The following PCBP3 variants were observed in gnomAD, a reference collection of about 807,000 sequenced individuals.
The protein encoded by PCBP3 is poly(rC) binding protein 3.
A neutral mutation model predicts 52.7 loss-of-function variants in PCBP3; 25 were observed. The ratio of observed to expected loss-of-function variants is 0.47; its 90% CI spans 0.35 to 0.66. PCBP3 has a LOEUF of 0.66. Ranked by LOEUF, PCBP3 falls within the 30% of genes least tolerant of loss-of-function variation. The pLI is 0.01. For synonymous variants in PCBP3, 162 were observed against 183.0 expected, an observed-to-expected ratio of 0.89 and a Z score of 0.93; for missense variants, 391 against 490.3, an observed-to-expected ratio of 0.80 and a Z score of 1.91.
chr21:45,807,597 T>C (rs984873350), intron 4 of PCBP3, among the ~76,000 whole-genome samples: 3 of 152,124 alleles, frequency 2.0e-5, no homozygotes, highest in Non-Finnish European at 2.9e-5. Context: ...ATCATGAAAG[T>C]GGCCATACTG....
intron 2 of PCBP3, among the ~76,000 whole-genome samples, chr21:45,701,348 G>A (rs889963523): frequency 6.6e-6 from 1 of 152,118 alleles, no homozygotes; most frequent in African/African-American, 2.4e-5. Context: ...TCCTCTTCAA[G>A]CACCACAGTA....
At chr21:45,692,014 G>C (rs1204375856) in intron 2 of PCBP3, among the ~76,000 whole-genome samples, 1 of 152,142 alleles carries the variant, frequency 6.6e-6, no homozygotes, top group African/African-American at 2.4e-5. Flanking sequence ...CCTGCAACAA[G>C]TACACAGTCC....
chr21:45,691,654 T>G (rs62215045), intron 2 of PCBP3, among the ~76,000 whole-genome samples: 2,693 of 151,986 alleles, frequency 0.018, 42 homozygotes, highest in Non-Finnish European at 0.027. Context: ...AAAACTGTAT[T>G]TCTAAAATGA....
chr21:45,905,019 A>G (rs1341800099), intron 9 of PCBP3, among the ~76,000 whole-genome samples: 1 of 152,244 alleles, frequency 6.6e-6, no homozygotes, highest in Non-Finnish European at 1.5e-5. Flanking sequence ...GTTTGAAATC[A>G]TCTGGTACCA....
chr21:45,863,252 C>A (rs1281272841), intron 5 of PCBP3, among the ~76,000 whole-genome samples: 4 of 152,258 alleles, frequency 2.6e-5, no homozygotes, highest in African/African-American at 9.6e-5. Flanking sequence ...GCGTCACCAG[C>A]CAAGCCCAGG....
chr21:45,698,123 A>G (rs1280425452), intron 2 of PCBP3, among the ~76,000 whole-genome samples: 1 of 152,214 alleles, frequency 6.6e-6, no homozygotes, highest in East Asian at 1.9e-4. Flanking sequence ...AGTCTAGGGA[A>G]TAAAATAATA....
intron 2 of PCBP3, among the ~76,000 whole-genome samples, chr21:45,695,140 C>T (rs2082693307): frequency 6.6e-6 from 1 of 152,134 alleles, no homozygotes; most frequent in Non-Finnish European, 1.5e-5. Context: ...ACAGACCCAC[C>T]CAAATGGTGT....
chr21:45,691,768 G>C (rs2147802379), intron 2 of PCBP3, among the ~76,000 whole-genome samples: 1 of 152,242 alleles, frequency 6.6e-6, no homozygotes, highest in African/African-American at 2.4e-5. Context: ...GGTTGAAGCT[G>C]AGGGATTCTA....
At chr21:45,660,290 A>G (rs187017776) in intron 1 of PCBP3, among the ~76,000 whole-genome samples, 125 of 152,186 alleles carry the variant, frequency 8.2e-4, no homozygotes, top group African/African-American at 2.9e-3. Flanking sequence ...TAGCCATTCA[A>G]GCTCTCCTTT....
intron 2 of PCBP3, among the ~76,000 whole-genome samples, chr21:45,690,122 A>G (rs2082372487): frequency 6.6e-6 from 1 of 152,192 alleles, no homozygotes; most frequent in African/African-American, 2.4e-5. Flanking sequence ...ATAGCATATG[A>G]TAGCATAGGG....
At chr21:45,679,205 C>T (rs1603246094) in intron 2 of PCBP3, among the ~76,000 whole-genome samples, 1 of 151,356 alleles carries the variant, frequency 6.6e-6, no homozygotes, top group East Asian at 1.9e-4. Context: ...ACTGCAACCT[C>T]TGCCTCCTGG....
intron 2 of PCBP3, among the ~76,000 whole-genome samples, chr21:45,680,759 C>T (rs559582133): frequency 8.5e-4 from 129 of 152,148 alleles, no homozygotes; most frequent in African/African-American, 2.9e-3. Context: ...GTCCTGTTCC[C>T]GATGTTAGGG....
intron 7 of PCBP3, among the ~76,000 whole-genome samples, chr21:45,900,022 G>A (rs1484978373): frequency 6.6e-6 from 1 of 152,168 alleles, no homozygotes; most frequent in African/African-American, 2.4e-5. Context: ...CCAAATCAGG[G>A]CTGGCCCGGG....
chr21:45,910,225 C>T (rs533990524), intron 10 of PCBP3, among the ~76,000 whole-genome samples: 1 of 130,408 alleles, frequency 7.7e-6, no homozygotes, highest in Non-Finnish European at 1.6e-5. Context: ...CACCCACTGC[C>T]CAAATATGGG....
At chr21:45,779,456 T>C (rs1233528548) in intron 4 of PCBP3, among the ~76,000 whole-genome samples, 2 of 152,228 alleles carry the variant, frequency 1.3e-5, no homozygotes, top group Non-Finnish European at 2.9e-5. Flanking sequence ...AACTCGCTTT[T>C]GGTATTTCCT....
intron 1 of PCBP3, among the ~76,000 whole-genome samples, chr21:45,659,940 A>G (rs2080275417): frequency 6.6e-6 from 1 of 152,188 alleles, no homozygotes; most frequent in Admixed American, 6.5e-5. Context: ...GGAGAATTCT[A>G]TAAATGTCTG....
chr21:45,689,334 C>A (rs1225491516), intron 2 of PCBP3, among the ~76,000 whole-genome samples: 1 of 152,000 alleles, frequency 6.6e-6, no homozygotes, highest in African/African-American at 2.4e-5. Flanking sequence ...AAAAAATACT[C>A]TCCTATGATC....
At chr21:45,807,151 C>G (rs1333884548) in intron 4 of PCBP3, among the ~76,000 whole-genome samples, 1 of 152,146 alleles carries the variant, frequency 6.6e-6, no homozygotes, top group Non-Finnish European at 1.5e-5. Context: ...CCTCTCTCAC[C>G]ACTCCTATTC....
intron 2 of PCBP3, among the ~76,000 whole-genome samples, chr21:45,718,692 C>T (rs1336401266): frequency 2.6e-5 from 4 of 152,072 alleles, no homozygotes; most frequent in Non-Finnish European, 5.9e-5. Flanking sequence ...GATGAATTTC[C>T]AGAGCTCTTA....
Sources: allele counts gnomAD v4.1 joint callset (sites outside exome capture counted in the v4.1 genomes callset), GRCh38; gene constraint gnomAD v4.1.1; transcripts MANE v1.5; gene names NCBI Gene and HGNC (gene_info 2026-07-23, HGNC 2026-07-21).